Variants in HCRTR1 observed in about 807,000 individuals in gnomAD.
HCRTR1 encodes hypocretin receptor 1.
A neutral mutation model predicts 40.6 loss-of-function variants in HCRTR1; 28 were observed. The observed-to-expected ratio is 0.69, with a 90% CI of 0.51 to 0.95. The LOEUF is 0.95. HCRTR1 is among the 40% of genes least tolerant of loss of function. HCRTR1 has a pLI of 0.00. For missense variants in HCRTR1, 482 were observed against 564.7 expected, an observed-to-expected ratio of 0.85 and a Z score of 1.48; for synonymous variants, 209 against 230.0, an observed-to-expected ratio of 0.91 and a Z score of 0.83.
chr1:31,633,442 T>C (rs930857597), downstream of HCRTR1: 11 of 1,006,070 alleles, frequency 1.1e-5, no homozygotes, highest in Admixed American at 2.9e-5. Context: ...TCCATCAAGC[T>C]GACATTCTTA....
chr1:31,631,224 G>A (rs1301427997), downstream of HCRTR1, among the ~76,000 whole-genome samples: 1 of 152,216 alleles, frequency 6.6e-6, no homozygotes, highest in African/African-American at 2.4e-5. Context: ...TACAGCAGAG[G>A]TATGAGGACC....
Position 31,627,063 on chromosome 1 carries a change from TG to T in HCRTR1, c.*85del. The T allele has an allele frequency of 6.5e-7, 1 of 1,533,342 alleles. No individual in the cohort carries two copies. The allele number at this position is 1,533,342 out of a possible 1,614,324, so 95.0% of individuals were successfully genotyped here. ...GACAGCTGGATGTGGTGAAAGGCTGTGGCTTCAGTCCTGGGTTTCTGCCTGT... is the reference window on the plus strand; with the variant it reads ...GACAGCTGGATGTGGTGAAAGGCTGTGCTTCAGTCCTGGGTTTCTGCCTGT... On this transcript the variant is annotated 3_prime_UTR_variant, in exon 9 of 9. Coordinates refer to ENST00000403528, the MANE Select transcript of HCRTR1 (RefSeq NM_001525.3).
rs1224850190 is a variant in HCRTR1, at chr1:31,620,867, C to T, written c.403C>T (p.Leu135=). 1.3e-5 allele frequency: 21 copies of T among 1,613,950 alleles called. No homozygotes were observed. Among genetic ancestry groups the T allele is most frequent in the Non-Finnish European group, 1.7e-5 (20 of 1,180,020 alleles). ...LQAVSVSVAV[L]TLSFIALDRW... is the part of the protein sequence containing the mutation. The stretch of plus-strand genomic sequence containing the variant: ...GGCTGTGTCCGTGTCAGTGGCAGTG[C>T]TAACTCTCAGCTTCATCGCCCTGGA... Residue 135 remains leucine (L), a synonymous_variant, in exon 5 of 9, where the codon CTA becomes TTA. Coordinates refer to ENST00000403528, the MANE Select transcript of HCRTR1 (RefSeq NM_001525.3).
At chr1:31,633,150 G>C (rs775591879), downstream of HCRTR1, 2 of 1,611,742 alleles carry the variant, frequency 1.2e-6, no homozygotes, top group South Asian at 1.1e-5. Context: ...GGGCAAGGCG[G>C]AGACTCACTT....
At chr1:31,624,500 G>C (rs1336800794) in intron 7 of HCRTR1, among the ~76,000 whole-genome samples, 1 of 147,536 alleles carries the variant, frequency 6.8e-6, no homozygotes, top group Non-Finnish European at 1.5e-5. Flanking sequence ...CATTTGAGCA[G>C]AGACTTGAAG....
chr1:31,630,293 T>C (rs1640059090), downstream of HCRTR1: 3 of 380,750 alleles, frequency 7.9e-6, no homozygotes, highest in Non-Finnish European at 1.5e-5. Context: ...AGGGTGGAGC[T>C]CAGCTGACTG....
chr1:31,633,402 C>T (rs982421517), downstream of HCRTR1: 12 of 1,362,142 alleles, frequency 8.8e-6, no homozygotes, highest in African/African-American at 1.2e-4. Flanking sequence ...CTCCTACACA[C>T]GAAGCTTCAC....
chr1:31,617,914 T>G (rs1639764847), intron 1 of HCRTR1, 33 bp downstream of exon 1: 1 of 150,858 alleles, frequency 6.6e-6, no homozygotes, highest in South Asian at 2.1e-4. Context: ...AGGCCTGGGA[T>G]GGGGGTTCCA....
At position 31,625,433 on chromosome 1, in the gene HCRTR1, A is replaced by G. The variant is rs1396783341; in HGVS notation, c.1087+315A>G. 6.6e-6 allele frequency among the ~76,000 whole-genome samples: 1 copy of G among 152,148 alleles called. No homozygotes were observed. The highest frequency in any genetic ancestry group is 2.4e-5 in the African/African-American group (1 of 41,450). ...TGGGTGCAGGCACAGCAAGACCTCC[A>G]ATCAGCTCAGGCAGAGGAGTCCATC... On this transcript the variant is annotated intron_variant, in intron 8 of 8. Coordinates refer to ENST00000403528, the MANE Select transcript of HCRTR1 (RefSeq NM_001525.3). This position sits in a 1 kb window ranked among gnomAD's most constrained non-coding sequence, Gnocchi z 4.2.
downstream of HCRTR1, chr1:31,633,092 C>T: frequency 2.6e-6 from 4 of 1,524,168 alleles, no homozygotes; most frequent in Non-Finnish European, 3.6e-6. Flanking sequence ...CACCCACCTA[C>T]CCACCTACTG....
rs368420650 is a variant in HCRTR1 at position 31,623,562 on chromosome 1, C to T, written c.778C>T (p.Arg260Cys). ...TTSALVRNWK[R>C]PSDQLGDLEQ... is the part of the protein sequence containing the mutation. ...CTCAGCACTGGTGCGGAACTGGAAG[C>T]GCCCCTCAGACCAGCTGGGGGACCT... The change falls in exon 7 of 9, where the codon CGC becomes TGC. Residue 260 changes from arginine to cysteine, a missense_variant. By Grantham distance (180) the Arg-to-Cys change is radical. Transcript: ENST00000403528. 1.6e-5 allele frequency: 26 copies of T among 1,613,300 alleles called. No homozygotes were observed. Among genetic ancestry groups the T allele is most frequent in the Admixed American group, 6.7e-5 (4 of 59,994 alleles).
chr1:31,621,360 G>C lies in HCRTR1; in HGVS notation c.623-117G>C, dbSNP rs1639852630. Reference sequence around the variant, plus strand: ...CTCTGTCTGTCATGGTGGCTGTATGGGGTCCAGCTGCTCCTAGGCCTTGCT... The same window carrying C: ...CTCTGTCTGTCATGGTGGCTGTATGCGGTCCAGCTGCTCCTAGGCCTTGCT... On this transcript the variant is annotated intron_variant, in intron 5 of 8. Coordinates refer to ENST00000403528, the MANE Select transcript of HCRTR1 (RefSeq NM_001525.3). The C allele has an allele frequency of 3.5e-6, 3 of 868,428 alleles. No individual in the cohort carries two copies. The Admixed American group carries it at 5.5e-5, about 16-fold the overall frequency. The allele number at this position is 868,428 out of a possible 1,614,324, so 53.8% of individuals were successfully genotyped here. A position where few individuals can be genotyped will look rare whatever the true frequency, so the allele number is the denominator to read the frequency against.
Position 31,619,525 on chromosome 1 carries a change from C to T in HCRTR1, c.200-7C>T. 6.2e-7 allele frequency: 1 copy of T among 1,613,950 alleles called. No homozygotes were observed. Among genetic ancestry groups the T allele is most frequent in the Non-Finnish European group, 8.5e-7 (1 of 1,179,950 alleles). On this transcript the variant is annotated splice_region_variant and splice_polypyrimidine_tract_variant and intron_variant, in intron 3 of 8. Coordinates refer to ENST00000403528, the MANE Select transcript of HCRTR1 (RefSeq NM_001525.3). ...TGCCACCAGCTTCACCTCGCTGCAC[C>T]CTGCAGTCTGCCTGGCCGTGTGGCG...
downstream of HCRTR1, chr1:31,632,537 G>A (rs781079521): frequency 1.4e-5 from 22 of 1,614,086 alleles, no homozygotes; most frequent in Non-Finnish European, 1.7e-5. Context: ...GAGCGGTCCC[G>A]GTCATACTGC....
chr1:31,627,442 C>A lies in HCRTR1; in HGVS notation c.*462C>A. On this transcript the variant is annotated 3_prime_UTR_variant, in exon 9 of 9. Coordinates refer to ENST00000403528, the MANE Select transcript of HCRTR1 (RefSeq NM_001525.3). ...TGATGCCTGTGTGAACTAATCTGGG[C>A]CCAGCCTTTCTCCAGCGGGCCACGA... 9.5e-7 allele frequency: 1 copy of A among 1,048,980 alleles called. No homozygotes were observed. The highest frequency in any genetic ancestry group is 1.3e-6 in the Non-Finnish European group (1 of 768,214). 65.0% of individuals were successfully genotyped at this position (1,048,980 alleles called of 1,614,324 possible). A position where few individuals can be genotyped will look rare whatever the true frequency, so the allele number is the denominator to read the frequency against.
At chr1:31,628,653 G>GA (rs1640024246), downstream of HCRTR1, among the ~76,000 whole-genome samples, 1 of 152,218 alleles carries the variant, frequency 6.6e-6, no homozygotes, top group South Asian at 2.1e-4. Context: ...TGGGAACAAA[G>GA]AAACAACAGG....
At chr1:31,624,049 A>G (rs867691937) in intron 7 of HCRTR1, among the ~76,000 whole-genome samples, 1 of 152,244 alleles carries the variant, frequency 6.6e-6, no homozygotes, top group Non-Finnish European at 1.5e-5. Context: ...AGAAGAATCA[A>G]TGTATATTAT....
At chr1:31,629,087 T>A (rs1382031216), downstream of HCRTR1, among the ~76,000 whole-genome samples, 8 of 152,196 alleles carry the variant, frequency 5.3e-5, no homozygotes, top group Non-Finnish European at 1.2e-4. Flanking sequence ...CAGACTCACA[T>A]GGGGACTATG....
intron 1 of HCRTR1, 165 bp downstream of exon 1, chr1:31,618,046 C>G (rs913316267): frequency 1.3e-5 from 2 of 152,750 alleles, no homozygotes; most frequent in African/African-American, 4.8e-5. Context: ...CCTCGCTCCC[C>G]CGCGCCTTCC....
Sources: gnomAD v4.1 joint callset for allele counts (sites outside exome capture counted in the v4.1 genomes callset) on GRCh38, gnomAD v4.1.1 for gene constraint, Gnocchi (gnomAD v3.1) non-coding constraint, MANE v1.5 for transcripts, NCBI Gene and HGNC (gene_info 2026-07-23, HGNC 2026-07-21) for gene names.